The following LZTS2 variants were observed in gnomAD, a reference collection of about 807,000 sequenced individuals.
LZTS2 encodes leucine zipper tumor suppressor 2.
A neutral mutation model predicts 60.6 loss-of-function variants in LZTS2; 32 were observed. The ratio of observed to expected loss-of-function variants is 0.53; its 90% confidence interval spans 0.40 to 0.71. The LOEUF is 0.71. Ranked by LOEUF, LZTS2 falls within the 30% of genes least tolerant of loss-of-function variation. The probability of loss-of-function intolerance (pLI) is 0.00; values close to 1 mark genes in which losing one functional copy is unlikely to be tolerated. For synonymous variants in LZTS2, 360 were observed against 393.1 expected (o/e 0.92, Z 1.00); for missense variants, 792 against 901.9 (o/e 0.88, Z 1.56).
At chr10:100,997,091 C>CGCCGGGAGCTGGGA (rs1851931505), upstream of LZTS2, 2 of 152,642 alleles carry the variant, frequency 1.3e-5, no homozygotes, top group African/African-American at 4.8e-5. Flanking sequence ...GCCAGGCGGG[C>CGCCGGGAGCTGGGA]GCCGGGAGCT....
At chr10:101,003,788 C>T in exon 2 of LZTS2, 6 of 1,613,270 alleles carry the variant, frequency 3.7e-6, no homozygotes, top group Non-Finnish European at 5.1e-6. Context: ...GCCTGCCCAC[C>T]TACAGCACCG....
rs1360922325 is a variant in LZTS2 at position 101,002,731 on chromosome 10, G to C, written c.193G>C (p.Gly65Arg). The C allele has an allele frequency of 2.5e-6, 4 of 1,612,726 alleles. No individual in the cohort carries two copies. In the East Asian group the frequency reaches 6.7e-5, roughly 27 times the overall value. ...CCGCCAGCAGGATGGCCTGCTACGG[G>C]GTGGCTATGAGGCACAGGAGCCGCT... is the stretch of plus-strand genomic sequence containing the variant. The change falls in exon 1 of 4, where the codon GGT becomes CGT. Residue 65 changes from glycine to arginine, a missense_variant. Physicochemically the swap from Gly to Arg is moderately radical, Grantham distance 125. Coordinates refer to ENST00000370220, the Ensembl canonical transcript of LZTS2.
rs1247372897 is a variant in LZTS2, at chr10:101,006,679, A to G, written c.1521A>G (p.Glu507=). 6 of 1,594,180 alleles carry G rather than the reference A, an allele frequency of 3.8e-6. No homozygotes were observed. The Admixed American group carries it at 1.1e-4, about 28-fold the overall frequency. The change falls in exon 4 of 4, where the codon GAA becomes GAG. Residue 507 remains glutamate (E), a synonymous_variant. Coordinates refer to ENST00000370220, the Ensembl canonical transcript of LZTS2. ...CCCGAGCTCGGGAGCTGGAGCTGGAAGCCTGTTCCCAGGAGCTGCAGCGAC... is the reference window on the plus strand; with the variant it reads ...CCCGAGCTCGGGAGCTGGAGCTGGAGGCCTGTTCCCAGGAGCTGCAGCGAC...
upstream of LZTS2, chr10:100,996,723 T>C (rs1851924490): frequency 6.6e-6 from 1 of 152,440 alleles, no homozygotes; most frequent in Non-Finnish European, 1.5e-5. Flanking sequence ...ACTTGAGCCT[T>C]CTTTGTCTGC....
chr10:101,002,314 G>A (rs1411973801), exon 1 of LZTS2: 1 of 448,700 alleles, frequency 2.2e-6, no homozygotes, highest in Non-Finnish European at 3.9e-6. Flanking sequence ...GCCCTGTTCA[G>A]ACCAGCATTG....
exon 2 of LZTS2, chr10:101,003,644 G>A (rs147603475): frequency 8.8e-5 from 141 of 1,608,930 alleles, no homozygotes; most frequent in Admixed American, 1.2e-4. Context: ...TGACGCAGCT[G>A]TTTGGGGGCC....
chr10:101,002,916 G>A (rs772611829), exon 1 of LZTS2: 31 of 1,612,484 alleles, frequency 1.9e-5, no homozygotes, highest in Non-Finnish European at 2.6e-5. Flanking sequence ...CACCACCAAA[G>A]CTCATCCCTG....
rs1403640255 is a variant in LZTS2, at chr10:101,003,313, C to G, written c.409-194C>G. 45 of 559,786 alleles carry G rather than the reference C, an allele frequency of 8.0e-5. No homozygotes were observed. The East Asian group carries it at 1.4e-3, about 17-fold the overall frequency. The allele number at this position is 559,786 out of a possible 1,614,324, so 34.7% of individuals were successfully genotyped here. A position where few individuals can be genotyped will look rare whatever the true frequency, so the allele number is the denominator to read the frequency against. ...TCATCTGTAATATGGGGATAGTGAT[C>G]ATATTTAGATAATGGAGATAAACTT... On this transcript the variant is annotated intron_variant, in intron 1 of 3. Transcript: ENST00000370220.
exon 1 of LZTS2, chr10:101,001,446 C>T (rs781569758): frequency 1.3e-5 from 2 of 152,268 alleles, no homozygotes; most frequent in Non-Finnish European, 2.9e-5. Flanking sequence ...CATGTAGTCA[C>T]ACAACAAATA....
chr10:101,002,631 C>A, exon 1 of LZTS2: 1 of 1,602,940 alleles, frequency 6.2e-7, no homozygotes, highest in Non-Finnish European at 8.5e-7. Flanking sequence ...GTGTGAGCAG[C>A]CTTATCTCAG....
exon 1 of LZTS2, chr10:101,001,787 C>T (rs999225288): frequency 2.0e-5 from 3 of 152,284 alleles, no homozygotes; most frequent in Non-Finnish European, 4.4e-5. Context: ...GGGGCAGAGC[C>T]TGTGGAGGCT....
At chr10:101,006,664 G>C in exon 4 of LZTS2, 1 of 1,588,230 alleles carries the variant, frequency 6.3e-7, no homozygotes, top group Non-Finnish European at 8.6e-7. Context: ...CCCGAGCTCG[G>C]GAGCTGGAGC....
intron 1 of LZTS2, 93 bp from the exon 3 acceptor site, chr10:101,003,414 A>G: frequency 7.5e-7 from 1 of 1,342,254 alleles, no homozygotes; most frequent in Non-Finnish European, 1.0e-6. Flanking sequence ...ATATATGGGC[A>G]CTGGGGACCC....
At position 101,007,044 on chromosome 10, in the gene LZTS2, G is replaced by A. The variant is rs767413790; in HGVS notation, c.1886G>A (p.Arg629Gln). Residue 629 changes from arginine (R) to glutamine (Q), a missense_variant, in exon 4 of 4, where the codon CGG becomes CAG. Arg to Gln is a conservative substitution (Grantham distance 43). Coordinates refer to ENST00000370220, the Ensembl canonical transcript of LZTS2. ...TACATCCAGATGTACCGGCGCAACC[G>A]GCAGCTAGAGCAGGAGCTGCAGCAG... The A allele has an allele frequency of 8.8e-6, 14 of 1,597,644 alleles. No homozygotes were observed. The Admixed American group carries it at 1.2e-4, about 14-fold the overall frequency.
chr10:101,004,316 G>GC, intron 2 of LZTS2, 150 bp downstream of exon 3: 1 of 869,354 alleles, frequency 1.2e-6, no homozygotes. Flanking sequence ...CTGGTTTAAT[G>GC]TGTGGAGTAG....
At chr10:101,003,259 G>T (rs921155254) in intron 1 of LZTS2, 29 of 525,460 alleles carry the variant, frequency 5.5e-5, no homozygotes, top group Non-Finnish European at 9.7e-6. Flanking sequence ...TTTGGGCAAG[G>T]CCTTTAACCT....
exon 2 of LZTS2, chr10:101,004,021 G>A (rs764288386): frequency 4.3e-6 from 7 of 1,613,262 alleles, no homozygotes; most frequent in South Asian, 2.2e-5. Flanking sequence ...AGCTCCTGTG[G>A]GGAGCGCTCA....
intron 3 of LZTS2, 32 bp downstream of exon 4, chr10:101,005,747 GT>G: frequency 1.3e-6 from 2 of 1,506,784 alleles, no homozygotes; most frequent in Non-Finnish European, 1.8e-6. Context: ...AGGGAGCAGG[GT>G]CACACAGGGA....
In LZTS2 at chr10:101,005,668, C is replaced by T. The variant is rs201981834; in HGVS notation, c.1279C>T (p.Arg427Trp). The T allele has an allele frequency of 1.3e-4, 207 of 1,604,206 alleles. No individual in the cohort carries two copies. In the Admixed American group the frequency reaches 3.0e-3, roughly 23 times the overall value. ...GGAGCGGCGCTGCGCCACCTTGGAG[C>T]GGGAGCAGCGGGAGCTCGGGCCGAG... is the stretch of plus-strand genomic sequence containing the variant. Residue 427 changes from arginine (R) to tryptophan (W), a missense_variant, in exon 3 of 4, where the codon CGG becomes TGG. Physicochemically the swap from Arg to Trp is moderately radical, Grantham distance 101. Coordinates refer to ENST00000370220, the Ensembl canonical transcript of LZTS2.
Sources: allele counts gnomAD v4.1 joint callset, GRCh38; gene constraint gnomAD v4.1.1; transcripts MANE v1.5; gene names NCBI Gene and HGNC (gene_info 2026-07-23, HGNC 2026-07-21).